The following SP140 variants were observed in gnomAD, a reference collection of about 807,000 sequenced individuals.
SP140 encodes nuclear body protein SP140.
A neutral mutation model predicts 125.0 loss-of-function variants in SP140; 81 were observed. The observed-to-expected ratio is 0.65, with a 90% CI of 0.54 to 0.78. SP140 has a LOEUF of 0.78. Ranked by LOEUF, SP140 falls within the 30% of genes least tolerant of loss-of-function variation. The pLI is 0.00. For missense variants in SP140, 858 were observed against 1,037.0 expected, an observed-to-expected ratio of 0.83 and a Z score of 2.37; for synonymous variants, 312 against 354.0, an observed-to-expected ratio of 0.88 and a Z score of 1.33.
chr2:230,274,733 T>A (rs1214629562), intron 15 of SP140, among the ~76,000 whole-genome samples: 1 of 152,196 alleles, frequency 6.6e-6, no homozygotes, highest in Non-Finnish European at 1.5e-5. Context: ...ACTAACAATT[T>A]ATATTTTTTC....
chr2:230,214,352 C>T (rs530981679), intron 3 of SP140, among the ~76,000 whole-genome samples: 4 of 152,194 alleles, frequency 2.6e-5, no homozygotes, highest in Admixed American at 6.5e-5. Flanking sequence ...TGTCCTTGTC[C>T]GGACTAGTGG....
upstream of SP140, among the ~76,000 whole-genome samples, chr2:230,198,495 G>C (rs901425872): frequency 6.6e-6 from 1 of 152,188 alleles, no homozygotes; most frequent in Non-Finnish European, 1.5e-5. Flanking sequence ...TAAAGCCCCT[G>C]ATTCTGAGCC....
chr2:230,312,666 A>T lies in SP140; in HGVS notation c.2586A>T (p.Glu862Asp). 6.2e-7 allele frequency: 1 copy of T among 1,609,074 alleles called. No homozygotes were observed. The highest frequency in any genetic ancestry group is 1.1e-5 in the South Asian group (1 of 90,920). ...KNFKEVFAIQ[E>D]TNGNN ...TCAAGGAAGTGTTTGCTATTCAGGA[A>T]ACAAATGGGAACAATTGACTGGATT... The change falls in exon 27 of 27, where the codon GAA becomes GAT. Residue 862 changes from glutamate (E) to aspartate (D), a missense_variant. Glu to Asp is a conservative substitution (Grantham distance 45). This residue lies in a region of SP140 where 43 missense variants were observed against 35.1 expected (regional missense o/e 1.23). Coordinates refer to ENST00000392045, the MANE Select transcript of SP140 (RefSeq NM_007237.5).
chr2:230,200,764 G>A, upstream of SP140: 1 of 787,638 alleles, frequency 1.3e-6, no homozygotes, highest in Middle Eastern at 3.1e-4. Flanking sequence ...AAATCCAGAA[G>A]GGCTCTCTAG....
chr2:230,243,653 C>T, intron 4 of SP140, 78 bp from the exon 5 acceptor site: 6 of 1,173,830 alleles, frequency 5.1e-6, no homozygotes, highest in Non-Finnish European at 6.3e-6. Context: ...TCTTAGTTTT[C>T]TCATTATTTG....
chr2:230,219,175 A>G (rs1373362338), intron 3 of SP140, among the ~76,000 whole-genome samples: 1 of 152,222 alleles, frequency 6.6e-6, no homozygotes, highest in East Asian at 1.9e-4. Flanking sequence ...CAGTGATCTG[A>G]GATGGTGCCA....
Position 230,269,976 on chromosome 2 carries a change from G to A in SP140, c.1444+23G>A, listed in dbSNP as rs755392066. On this transcript the variant is annotated intron_variant, in intron 14 of 26. Coordinates refer to ENST00000392045, the MANE Select transcript of SP140 (RefSeq NM_007237.5). ...TGGGTAAGGCTGTCTGAGGGCCGTGGGATGGGGGTGGCTCAGTGGGCCCCA... is the reference window on the plus strand; with the variant it reads ...TGGGTAAGGCTGTCTGAGGGCCGTGAGATGGGGGTGGCTCAGTGGGCCCCA... 3.5e-5 allele frequency: 54 copies of A among 1,540,712 alleles called. No homozygotes were observed. The South Asian group carries it at 5.7e-4, about 16-fold the overall frequency.
chr2:230,239,946 T>G (rs1449571233), intron 3 of SP140, among the ~76,000 whole-genome samples: 2 of 152,192 alleles, frequency 1.3e-5, no homozygotes, highest in Admixed American at 1.3e-4. Flanking sequence ...GTCTGTGGAC[T>G]GTGGGGATCC....
At chr2:230,313,930 C>T (rs2059461748), downstream of SP140, among the ~76,000 whole-genome samples, 1 of 152,134 alleles carries the variant, frequency 6.6e-6, no homozygotes, top group Admixed American at 6.5e-5. Context: ...TTGCTAAGTG[C>T]CATTAATGTC....
upstream of SP140, among the ~76,000 whole-genome samples, chr2:230,223,953 G>A (rs2046029008): frequency 6.6e-6 from 1 of 152,206 alleles, no homozygotes; most frequent in African/African-American, 2.4e-5. Flanking sequence ...CTGGTCACGT[G>A]GCAGTAAAGG....
the SP140 span, among the ~76,000 whole-genome samples, chr2:230,197,123 T>C: frequency 2.0e-5 from 3 of 152,172 alleles, no homozygotes; most frequent in Admixed American, 6.5e-5. Context: ...ACCACACCGA[T>C]TTCCACAATG....
intron 1 of SP140, chr2:230,230,265 C>T (rs192037730): frequency 7.2e-5 from 11 of 152,300 alleles, no homozygotes; most frequent in African/African-American, 2.4e-4. Context: ...AAGCTGTGTT[C>T]TTGTGCTGAG....
At chr2:230,244,794 G>T (rs976542051) in intron 5 of SP140, among the ~76,000 whole-genome samples, 194 bp from the exon 6 acceptor site, 1 of 152,122 alleles carries the variant, frequency 6.6e-6, no homozygotes, top group African/African-American at 2.4e-5. Context: ...CAAAAAGTGA[G>T]AAGGAGAAAG....
chr2:230,235,551 C>G (rs1048400877), intron 1 of SP140, among the ~76,000 whole-genome samples: 3 of 152,044 alleles, frequency 2.0e-5, no homozygotes, highest in Non-Finnish European at 4.4e-5. Context: ...TTTAGTGATC[C>G]TCTATTCTAT....
intron 16 of SP140, among the ~76,000 whole-genome samples, chr2:230,284,983 G>A (rs975976474): frequency 1.3e-5 from 2 of 152,078 alleles, no homozygotes; most frequent in Non-Finnish European, 2.9e-5. Flanking sequence ...TTAAATGTAT[G>A]TGTATATATT....
chr2:230,189,259 G>A, the SP140 span, among the ~76,000 whole-genome samples: 1 of 151,434 alleles, frequency 6.6e-6, no homozygotes, highest in Non-Finnish European at 1.5e-5. Context: ...AGTTCCTTGA[G>A]GCATGACATT....
Position 230,237,514 on chromosome 2 carries a change from G to C in SP140, c.237+254G>C, listed in dbSNP as rs1249636077. 2.8e-6 allele frequency: 1 copy of C among 361,750 alleles called. No individual in the cohort carries two copies. The highest frequency in any genetic ancestry group is 5.0e-6 in the Non-Finnish European group (1 of 201,762). The allele number at this position is 361,750 out of a possible 1,614,324, so 22.4% of individuals were successfully genotyped here. The stretch of plus-strand genomic sequence containing the variant: ...GCTGTATGGGTGCAGATCATCCTAG[G>C]TACTTGTAAACAATCTACTAATGGT... On this transcript the variant is annotated intron_variant, in intron 2 of 26. Coordinates refer to ENST00000392045, the MANE Select transcript of SP140 (RefSeq NM_007237.5). This position sits in a 1 kb window ranked among gnomAD's most constrained non-coding sequence, Gnocchi z 5.4.
intron 1 of SP140, among the ~76,000 whole-genome samples, chr2:230,205,882 T>C (rs1004380048): frequency 6.6e-6 from 1 of 152,142 alleles, no homozygotes; most frequent in South Asian, 2.1e-4. Flanking sequence ...TGAGAGTGAT[T>C]GACAAAGCTC....
Position 230,284,532 on chromosome 2 carries a change from G to A in SP140, c.1564+121G>A, listed in dbSNP as rs548432691. ...CTATACCTCCTGTATCCATTAGGAT[G>A]TAGACTAACAGGCTGTGACAAAGAG... On this transcript the variant is annotated intron_variant, in intron 16 of 26. Transcript: ENST00000392045. 4.1e-5 allele frequency: 31 copies of A among 762,946 alleles called. No individual in the cohort carries two copies. In the African/African-American group the frequency reaches 5.3e-4, roughly 13 times the overall value. 47.3% of individuals were successfully genotyped at this position (762,946 alleles called of 1,614,324 possible). A position where few individuals can be genotyped will look rare whatever the true frequency, so the allele number is the denominator to read the frequency against.
Sources: allele counts gnomAD v4.1 joint callset (sites outside exome capture counted in the v4.1 genomes callset), GRCh38; gene constraint gnomAD v4.1.1; regional missense constraint gnomAD v4.1.1; non-coding constraint Gnocchi (gnomAD v3.1); transcripts MANE v1.5; gene names NCBI Gene and HGNC (gene_info 2026-07-23, HGNC 2026-07-21).